Variants in PCCA observed in about 807,000 individuals in gnomAD.
The protein encoded by PCCA is propionyl-CoA carboxylase subunit alpha.
PCCA carries 74 observed loss-of-function variants against 101.3 expected under a neutral mutation model. The observed-to-expected ratio is 0.73, with a 90% CI of 0.61 to 0.89. The LOEUF (loss-of-function observed/expected upper bound fraction) is 0.89, where lower values mean the gene tolerates loss of function less well. Ranked by LOEUF, PCCA falls within the 40% of genes least tolerant of loss-of-function variation. The pLI is 0.00. For missense variants in PCCA, 891 were observed against 907.0 expected (o/e 0.98, Z 0.23); for synonymous variants, 294 against 313.6 (o/e 0.94, Z 0.66).
chr13:100,220,938 T>C (rs1024769383), intron 7 of PCCA, among the ~76,000 whole-genome samples: 1 of 152,172 alleles, frequency 6.6e-6, no homozygotes, highest in Non-Finnish European at 1.5e-5. Flanking sequence ...TGGTTTAAGA[T>C]TTGGAGAGAC....
intron 8 of PCCA, among the ~76,000 whole-genome samples, chr13:100,246,663 G>GT (rs1230618159): frequency 1.3e-5 from 2 of 151,916 alleles, no homozygotes; most frequent in Non-Finnish European, 2.9e-5. Context: ...AAAAAAAATA[G>GT]TTTTTTATTA....
intron 7 of PCCA, among the ~76,000 whole-genome samples, chr13:100,228,841 A>C (rs1159288135): frequency 6.6e-6 from 1 of 151,460 alleles, no homozygotes; most frequent in Non-Finnish European, 1.5e-5. Flanking sequence ...TGGAGGTTGC[A>C]ATGAGCGGGG....
intron 6 of PCCA, among the ~76,000 whole-genome samples, chr13:100,171,647 G>T (rs77065905): frequency 6.6e-6 from 1 of 152,258 alleles, no homozygotes; most frequent in African/African-American, 2.4e-5. Context: ...CTAGCAGTTC[G>T]GGAGGCTGAA....
intron 1 of PCCA, among the ~76,000 whole-genome samples, chr13:100,092,192 A>G (rs1462287929): frequency 6.6e-6 from 1 of 152,280 alleles, no homozygotes; most frequent in East Asian, 1.9e-4. Flanking sequence ...TTGGAATTAC[A>G]GGCATGAGCC....
At chr13:100,229,214 G>T (rs1208332362) in intron 7 of PCCA, among the ~76,000 whole-genome samples, 3 of 152,136 alleles carry the variant, frequency 2.0e-5, no homozygotes, top group Non-Finnish European at 4.4e-5. Context: ...GCTGGACTGA[G>T]AATCCCAAAA....
chr13:100,152,284 CCTT>C (rs1398608426), intron 4 of PCCA, among the ~76,000 whole-genome samples: 3 of 151,666 alleles, frequency 2.0e-5, no homozygotes, highest in South Asian at 4.2e-4. Flanking sequence ...TGTGTTTAGT[CCTT>C]CTTTGTAAAG....
rs565676697 is a variant in PCCA at position 100,402,498 on chromosome 13, C to T, written c.1747-23135C>T. Among the ~76,000 whole-genome samples the T allele has an allele frequency of 5.3e-5, 8 of 152,160 alleles. No homozygotes were observed. The East Asian group carries it at 1.2e-3, about 22-fold the overall frequency. ...CAATAGATACTTATCAAGGATCTGTCGTTCTTCAAGATCAGGGCACTGTGC... is the reference window on the plus strand; with the variant it reads ...CAATAGATACTTATCAAGGATCTGTTGTTCTTCAAGATCAGGGCACTGTGC... On this transcript the variant is annotated intron_variant, in intron 19 of 23. Coordinates refer to ENST00000376285, the MANE Select transcript of PCCA (RefSeq NM_000282.4).
At chr13:100,278,565 C>T (rs1184477018) in intron 12 of PCCA, among the ~76,000 whole-genome samples, 4 of 151,814 alleles carry the variant, frequency 2.6e-5, no homozygotes, top group South Asian at 4.2e-4. Flanking sequence ...TGCAAACCTC[C>T]GCCTCCCGGG....
intron 21 of PCCA, among the ~76,000 whole-genome samples, chr13:100,470,070 A>G (rs2082877768): frequency 6.6e-6 from 1 of 152,170 alleles, no homozygotes; most frequent in Non-Finnish European, 1.5e-5. Context: ...AGGAGACTTC[A>G]TGGTTCTTGC....
chr13:100,524,647 G>A (rs1420570381), intron 22 of PCCA, among the ~76,000 whole-genome samples: 5 of 152,098 alleles, frequency 3.3e-5, no homozygotes, highest in Admixed American at 6.5e-5. Flanking sequence ...CAAGGTGGGC[G>A]GATCACTTGA....
chr13:100,340,083 T>C, intron 17 of PCCA, 74 bp from the exon 18 acceptor site: 1 of 857,630 alleles, frequency 1.2e-6, no homozygotes, highest in South Asian at 1.3e-5. Flanking sequence ...GAATGACTAG[T>C]AATTCTATAG....
intron 20 of PCCA, among the ~76,000 whole-genome samples, chr13:100,436,054 A>C (rs1040403588): frequency 6.6e-6 from 1 of 151,564 alleles, no homozygotes; most frequent in African/African-American, 2.4e-5. Flanking sequence ...AAATAAAAAA[A>C]AAAAGAGAGA....
intron 12 of PCCA, among the ~76,000 whole-genome samples, chr13:100,287,812 A>C (rs1314369481): frequency 6.0e-5 from 1 of 16,612 alleles, no homozygotes; most frequent in East Asian, 0.016. Flanking sequence ...ATATAAAGTT[A>C]GGGGGTTTTT....
chr13:100,097,712 C>T (rs573888814), intron 1 of PCCA, among the ~76,000 whole-genome samples: 31 of 152,170 alleles, frequency 2.0e-4, no homozygotes, highest in Non-Finnish European at 3.2e-4. Flanking sequence ...AGTGAGACTC[C>T]GTCTCAAAAA....
intron 12 of PCCA, among the ~76,000 whole-genome samples, chr13:100,275,615 A>G (rs1235018370): frequency 1.3e-5 from 2 of 152,042 alleles, no homozygotes; most frequent in African/African-American, 2.4e-5. Flanking sequence ...AAATGCTGGT[A>G]TTTTTGAGTT....
chr13:100,376,721 T>C (rs761131373), intron 19 of PCCA, among the ~76,000 whole-genome samples: 12 of 152,340 alleles, frequency 7.9e-5, no homozygotes, highest in Non-Finnish European at 1.3e-4. Flanking sequence ...TTCAAGCCAG[T>C]GGATCTTAGC....
At chr13:100,317,105 C>T (rs2067444522) in intron 16 of PCCA, among the ~76,000 whole-genome samples, 1 of 152,118 alleles carries the variant, frequency 6.6e-6, no homozygotes, top group Admixed American at 6.5e-5. Flanking sequence ...TGCTAACTTA[C>T]TTACTGTTTT....
In PCCA at chr13:100,378,698, CT is replaced by C. The variant is rs1312772445; in HGVS notation, c.1746+10125del. On this transcript the variant is annotated intron_variant, in intron 19 of 23. Transcript: ENST00000376285. ...TCTTCATGCTTTGAGATTCTTTCTTCTGCTTGATCTAGTCTGTTGAAGCTTT... is the reference window on the plus strand; with the variant it reads ...TCTTCATGCTTTGAGATTCTTTCTTCGCTTGATCTAGTCTGTTGAAGCTTT... 2.6e-5 allele frequency among the ~76,000 whole-genome samples: 4 copies of C among 152,128 alleles called. No individual in the cohort carries two copies. In the East Asian group the frequency reaches 5.8e-4, roughly 22 times the overall value.
At chr13:100,451,174 G>A (rs1281094056) in intron 21 of PCCA, among the ~76,000 whole-genome samples, 2 of 152,002 alleles carry the variant, frequency 1.3e-5, no homozygotes, top group African/African-American at 2.4e-5. Flanking sequence ...CACTGTGGAG[G>A]GTGATCTGCT....
Sources: gnomAD v4.1 joint callset for allele counts (sites outside exome capture counted in the v4.1 genomes callset) on GRCh38, gnomAD v4.1.1 for gene constraint, MANE v1.5 for transcripts, NCBI Gene and HGNC (gene_info 2026-07-23, HGNC 2026-07-21) for gene names.